Variants in MGRN1 observed in about 807,000 individuals in gnomAD.
The protein encoded by MGRN1 is mahogunin ring finger 1.
In MGRN1, 29 loss-of-function variants were observed where a neutral mutation model predicts 69.2. The ratio of observed to expected loss-of-function variants is 0.42; its 90% CI spans 0.31 to 0.57. The LOEUF is 0.57. Among genes scored for constraint, MGRN1 ranks in the 20% least tolerant of loss-of-function variants. The pLI, the probability that MGRN1 is intolerant of heterozygous loss-of-function variation, is 0.15. For synonymous variants in MGRN1, 470 were observed against 344.2 expected, an observed-to-expected ratio of 1.37 and a Z score of -4.04; for missense variants, 998 against 796.2, an observed-to-expected ratio of 1.25 and a Z score of -3.05.
intron 5 of MGRN1, among the ~76,000 whole-genome samples, chr16:4,661,276 G>T (rs1410522615): frequency 6.6e-6 from 1 of 152,172 alleles, no homozygotes; most frequent in African/African-American, 2.4e-5. Flanking sequence ...ACCACGTCAG[G>T]CCCACCAGTC....
At chr16:4,672,528 C>G in intron 9 of MGRN1, 2 of 449,234 alleles carry the variant, frequency 4.5e-6, no homozygotes, top group Non-Finnish European at 9.0e-6. Context: ...TCAGTGCATT[C>G]ATGTTTCATA....
At chr16:4,676,273 G>A (rs1194408500) in intron 10 of MGRN1, among the ~76,000 whole-genome samples, 1 of 152,218 alleles carries the variant, frequency 6.6e-6, no homozygotes, top group Non-Finnish European at 1.5e-5. Flanking sequence ...CCACAGAGTT[G>A]CGGGGGCAGG....
intron 16 of MGRN1, among the ~76,000 whole-genome samples, chr16:4,684,820 C>T (rs1482244256): frequency 1.3e-5 from 2 of 152,268 alleles, no homozygotes; most frequent in Admixed American, 6.5e-5. Context: ...GACATGACCC[C>T]AGAGCCACTG....
intron 5 of MGRN1, among the ~76,000 whole-genome samples, chr16:4,659,443 G>T (rs139419231): frequency 2.0e-5 from 3 of 152,216 alleles, no homozygotes; most frequent in Non-Finnish European, 4.4e-5. Context: ...GGGTTTGCAG[G>T]TGAGGTGGCC....
At chr16:4,643,557 A>G (rs914800912) in intron 1 of MGRN1, among the ~76,000 whole-genome samples, 2 of 151,872 alleles carry the variant, frequency 1.3e-5, no homozygotes, top group African/African-American at 2.4e-5. Flanking sequence ...ATTTTTTAGT[A>G]GAGACGGGGT....
At chr16:4,672,202 C>G (rs747137502) in intron 9 of MGRN1, among the ~76,000 whole-genome samples, 2 of 152,032 alleles carry the variant, frequency 1.3e-5, no homozygotes, top group African/African-American at 4.8e-5. Context: ...CCGCGCCCAG[C>G]CTAATTTTTA....
chr16:4,681,963 G>A (rs2141977331), intron 13 of MGRN1, among the ~76,000 whole-genome samples, 187 bp downstream of exon 13: 2 of 152,392 alleles, frequency 1.3e-5, no homozygotes, highest in Admixed American at 1.3e-4. Context: ...CAGCAGACGA[G>A]GCAGGAAGAG....
At chr16:4,645,155 GGTGGT>G (rs2078247720) in intron 1 of MGRN1, among the ~76,000 whole-genome samples, 1 of 145,336 alleles carries the variant, frequency 6.9e-6, no homozygotes, top group Non-Finnish European at 1.5e-5. Context: ...CGGGGGTGGG[GGTGGT>G]GGTGGGGGGA....
At chr16:4,630,586 T>G (rs539233848) in intron 1 of MGRN1, among the ~76,000 whole-genome samples, 2 of 151,744 alleles carry the variant, frequency 1.3e-5, no homozygotes, top group East Asian at 4.0e-4. Flanking sequence ...TAGCTGAGAT[T>G]ACAGGTGCGA....
intron 1 of MGRN1, among the ~76,000 whole-genome samples, chr16:4,626,491 G>C (rs1447932544): frequency 2.0e-5 from 3 of 152,194 alleles, no homozygotes; most frequent in Non-Finnish European, 4.4e-5. Flanking sequence ...TGTAAAACGG[G>C]CTGATGCTTA....
At chr16:4,636,101 C>A (rs1302002705) in intron 1 of MGRN1, among the ~76,000 whole-genome samples, 1 of 152,034 alleles carries the variant, frequency 6.6e-6, no homozygotes, top group Non-Finnish European at 1.5e-5. Context: ...TGGGCCTGGC[C>A]AAGGCTAGCA....
intron 8 of MGRN1, among the ~76,000 whole-genome samples, chr16:4,668,677 T>C (rs371628759): frequency 1.3e-5 from 2 of 151,612 alleles, no homozygotes; most frequent in South Asian, 4.2e-4. Flanking sequence ...CACATATACA[T>C]AGACACACTC....
intron 1 of MGRN1, among the ~76,000 whole-genome samples, chr16:4,642,756 G>A (rs568834232): frequency 4.6e-5 from 7 of 151,360 alleles, no homozygotes; most frequent in African/African-American, 1.5e-4. Flanking sequence ...GGTGAGCACC[G>A]TGCCTGGTGG....
At chr16:4,646,873 C>G (rs1321209136) in intron 1 of MGRN1, among the ~76,000 whole-genome samples, 1 of 152,174 alleles carries the variant, frequency 6.6e-6, no homozygotes. Context: ...GGACCAGGGA[C>G]CTGTCTCCTG....
intron 5 of MGRN1, among the ~76,000 whole-genome samples, chr16:4,659,517 G>GGT (rs2078628204): frequency 6.6e-6 from 1 of 152,228 alleles, no homozygotes; most frequent in Admixed American, 6.5e-5. Flanking sequence ...GCCCAGAGAG[G>GGT]GTTGGAATCA....
At chr16:4,659,700 G>A (rs773775909) in intron 5 of MGRN1, among the ~76,000 whole-genome samples, 10 of 152,260 alleles carry the variant, frequency 6.6e-5, no homozygotes, top group South Asian at 2.1e-4. Context: ...CTGCTGCTGC[G>A]GGGCCTTCAA....
rs1027429434 is a variant in MGRN1, at chr16:4,625,125, C to T, written c.88+77C>T. 30 of 1,317,910 alleles carry T rather than the reference C, an allele frequency of 2.3e-5. 1 individual carries two copies. The African/African-American group carries it at 3.0e-4, about 13-fold the overall frequency. The allele number at this position is 1,317,910 out of a possible 1,614,324, so 81.6% of individuals were successfully genotyped here. On this transcript the variant is annotated intron_variant, in intron 1 of 16. Transcript: ENST00000262370. ...CCCGGCGGGCGCGGGGGCGGGGACT[C>T]GGGGCGGGGCGCCCTGCTCGGCCCC... is the stretch of plus-strand genomic sequence containing the variant.
intron 10 of MGRN1, among the ~76,000 whole-genome samples, chr16:4,676,374 T>A (rs141741441): frequency 0.016 from 2,397 of 152,154 alleles, 32 homozygotes; most frequent in Non-Finnish European, 0.025. Context: ...AGCCTCAGGG[T>A]GGCTGTGTGG....
rs185399151 is a variant in MGRN1, at chr16:4,662,950, G to T, written c.562-1759G>T. On this transcript the variant is annotated intron_variant, in intron 5 of 16. Coordinates refer to ENST00000262370, the MANE Select transcript of MGRN1 (RefSeq NM_015246.4). ...GGAGGGGCTTGTCCCTTCCTCATGG[G>T]TCTTAGTCAGTGAGGCCTGTGGTCG... Among the ~76,000 whole-genome samples, 467 of 152,344 alleles carry T rather than the reference G, an allele frequency of 3.1e-3. 3 individuals are homozygous for T. The highest frequency in any genetic ancestry group is 0.011 in the African/African-American group (442 of 41,578).
Sources: allele counts gnomAD v4.1 joint callset (sites outside exome capture counted in the v4.1 genomes callset), GRCh38; gene constraint gnomAD v4.1.1; transcripts MANE v1.5; gene names NCBI Gene and HGNC (gene_info 2026-07-23, HGNC 2026-07-21).